Variants in SORCS2 observed in about 807,000 individuals in gnomAD.
The protein encoded by SORCS2 is sortilin related VPS10 domain containing receptor 2.
Under a neutral mutation model 141.6 loss-of-function variants are expected in SORCS2, and 100 were observed. That is an observed-to-expected ratio of 0.71 (90% CI 0.60 to 0.83). SORCS2 has a LOEUF of 0.83. Among genes scored for constraint, SORCS2 ranks in the 40% least tolerant of loss-of-function variants. The probability of loss-of-function intolerance (pLI) is 0.00; values close to 1 mark genes in which losing one functional copy is unlikely to be tolerated. For missense variants in SORCS2, 1,646 were observed against 1,560.2 expected (o/e 1.05, Z -0.93); for synonymous variants, 789 against 676.9 (o/e 1.17, Z -2.57).
At chr4:7,526,071 G>A (rs1560356697) in intron 2 of SORCS2, among the ~76,000 whole-genome samples, 1 of 152,026 alleles carries the variant, frequency 6.6e-6, no homozygotes, top group Non-Finnish European at 1.5e-5. Flanking sequence ...GTCCCCACCT[G>A]CAACTGCAGC....
chr4:7,434,799 T>G, intron 2 of SORCS2: 1 of 1,609,666 alleles, frequency 6.2e-7, no homozygotes. Context: ...TGGAGCCCTT[T>G]GCACACTCCT....
rs148240921 is a variant in SORCS2, at chr4:7,619,256, C to T, written c.649-19072C>T. Among the ~76,000 whole-genome samples, 1,018 of 152,272 alleles carry T rather than the reference C, an allele frequency of 6.7e-3. 6 individuals are homozygous for T. The highest frequency in any genetic ancestry group is 0.031 in the Middle Eastern group (9 of 294). On this transcript the variant is annotated intron_variant, in intron 3 of 26. Transcript: ENST00000507866. ...CCAGTGGCAGCGAATGATGGCCAGG[C>T]GTAAGGGATTCATCTGGCCAGTCTG...
rs79700440 is a variant in SORCS2 at position 7,447,963 on chromosome 4, C to T, written c.548+51608C>T. On this transcript the variant is annotated intron_variant, in intron 2 of 26. Transcript: ENST00000507866. ...GGCTGATGCGCTCCCTTCCCATCCA[C>T]GCCTGCTCGGTTTTGCCACATATGC... 2.6e-5 allele frequency among the ~76,000 whole-genome samples: 4 copies of T among 152,258 alleles called. No homozygotes were observed. The East Asian group carries it at 5.8e-4, about 22-fold the overall frequency.
intron 1 of SORCS2, among the ~76,000 whole-genome samples, chr4:7,247,728 G>C (rs911397241): frequency 6.6e-6 from 1 of 152,212 alleles, no homozygotes; most frequent in African/African-American, 2.4e-5. Context: ...CGACCCTGGC[G>C]AGGGGCCTGC....
At position 7,546,031 on chromosome 4, in the gene SORCS2, G is replaced by A. The variant is rs545611151; in HGVS notation, c.648+14402G>A. Among the ~76,000 whole-genome samples the A allele has an allele frequency of 3.2e-4, 48 of 152,254 alleles. No individual in the cohort carries two copies. In the South Asian group the frequency reaches 9.5e-3, roughly 30 times the overall value. ...CCAGCTCTCTGGCCTCTTCTTACCA[G>A]GGCACTAATCTCATCACAAGGGCTC... is the stretch of plus-strand genomic sequence containing the variant. On this transcript the variant is annotated intron_variant, in intron 3 of 26. Coordinates refer to ENST00000507866, the MANE Select transcript of SORCS2 (RefSeq NM_020777.3).
intron 14 of SORCS2, among the ~76,000 whole-genome samples, chr4:7,706,217 T>A (rs369435963): frequency 7.4e-5 from 4 of 53,860 alleles, no homozygotes; most frequent in Admixed American, 2.7e-4. Flanking sequence ...CTGGGCTCCG[T>A]CTGGGCAGGG....
intron 2 of SORCS2, among the ~76,000 whole-genome samples, chr4:7,452,967 G>A (rs1728574716): frequency 7.3e-6 from 1 of 136,550 alleles, no homozygotes; most frequent in Non-Finnish European, 1.6e-5. Context: ...TTGGGGTCAG[G>A]TGCTGTGTGT....
intron 11 of SORCS2, among the ~76,000 whole-genome samples, chr4:7,694,468 CAG>C (rs1305301720): frequency 6.6e-6 from 1 of 151,920 alleles, no homozygotes; most frequent in Non-Finnish European, 1.5e-5. Context: ...CTTTGGTAGA[CAG>C]AGCAAGGAAA....
Position 7,740,264 on chromosome 4 carries a change from A to G in SORCS2, c.3480A>G (p.Ter1160TrpextTer103). 6.2e-7 allele frequency: 1 copy of G among 1,609,076 alleles called. No homozygotes were observed. Among genetic ancestry groups the G allele is most frequent in the Non-Finnish European group, 8.5e-7 (1 of 1,179,270 alleles). Residue 1160 changes from the stop codon to tryptophan, a stop_lost, in exon 27 of 27, where the codon TGA becomes TGG. Transcript: ENST00000507866. ...AGATGCACAGCTACCTGGTGAGCTG[A>G]TGCCACCCCAGCATCTGTCTTTTCA... ...SREMHSYLVS* is the reference protein window; with the variant it reads ...SREMHSYLVSW
Position 7,561,132 on chromosome 4 carries a change from G to A in SORCS2, c.648+29503G>A, listed in dbSNP as rs1358144321. 2.0e-5 allele frequency among the ~76,000 whole-genome samples: 3 copies of A among 152,298 alleles called. No individual in the cohort carries two copies. The East Asian group carries it at 5.8e-4, about 29-fold the overall frequency. On this transcript the variant is annotated intron_variant, in intron 3 of 26. Transcript: ENST00000507866. The stretch of plus-strand genomic sequence containing the variant: ...GAAGCTGGGTGTCATTCATCCCTGG[G>A]TGTCTAGAGTCCTACTCAGTATAGA...
chr4:7,578,006 CT>C (rs1715880716), intron 3 of SORCS2, among the ~76,000 whole-genome samples: 1 of 152,186 alleles, frequency 6.6e-6, no homozygotes, highest in African/African-American at 2.4e-5. Context: ...CCTGCCAAAA[CT>C]CGTGTTGAAA....
chr4:7,279,864 G>T (rs1325143299), intron 1 of SORCS2, among the ~76,000 whole-genome samples: 1 of 74,332 alleles, frequency 1.3e-5, no homozygotes, highest in Non-Finnish European at 3.0e-5. Context: ...CCCCTCCCCC[G>T]CCCCCCAATT....
At chr4:7,306,084 G>C (rs544512155) in intron 1 of SORCS2, among the ~76,000 whole-genome samples, 4 of 152,226 alleles carry the variant, frequency 2.6e-5, no homozygotes, top group Non-Finnish European at 5.9e-5. Context: ...GGAGAGGCTA[G>C]TGGCAGGGTC....
At chr4:7,312,119 C>T (rs184714295) in intron 1 of SORCS2, among the ~76,000 whole-genome samples, 52 of 152,206 alleles carry the variant, frequency 3.4e-4, no homozygotes, top group Non-Finnish European at 4.9e-4. Flanking sequence ...CTGTGATCCG[C>T]CCACCTTGGC....
At chr4:7,665,065 G>A (rs1170450470) in intron 7 of SORCS2, among the ~76,000 whole-genome samples, 3 of 152,172 alleles carry the variant, frequency 2.0e-5, no homozygotes, top group Admixed American at 6.6e-5. Context: ...CAGAGTCTGC[G>A]TCATCGGACT....
intron 12 of SORCS2, among the ~76,000 whole-genome samples, chr4:7,699,704 G>A (rs6845919): frequency 0.02 from 3,115 of 152,196 alleles, 105 homozygotes; most frequent in African/African-American, 0.071. Context: ...GCTTATCCAC[G>A]AGGCCCCTCT....
chr4:7,302,907 G>T (rs1296318496), intron 1 of SORCS2, among the ~76,000 whole-genome samples: 1 of 152,088 alleles, frequency 6.6e-6, no homozygotes, highest in African/African-American at 2.4e-5. Flanking sequence ...GCACCTCAAA[G>T]TTCCCCTGAT....
At chr4:7,720,430 G>A (rs369369175) in intron 18 of SORCS2, among the ~76,000 whole-genome samples, 1 of 152,138 alleles carries the variant, frequency 6.6e-6, no homozygotes, top group Non-Finnish European at 1.5e-5. Flanking sequence ...AAAACCACAG[G>A]AGAGAATATC....
At chr4:7,333,609 C>T (rs1455701342) in intron 1 of SORCS2, among the ~76,000 whole-genome samples, 1 of 152,158 alleles carries the variant, frequency 6.6e-6, no homozygotes, top group Non-Finnish European at 1.5e-5. Context: ...ACCTCCCTGC[C>T]TCACCTGGGG....
Sources: gnomAD v4.1 joint callset for allele counts (sites outside exome capture counted in the v4.1 genomes callset) on GRCh38, gnomAD v4.1.1 for gene constraint, MANE v1.5 for transcripts, NCBI Gene and HGNC (gene_info 2026-07-23, HGNC 2026-07-21) for gene names.